The following DENND1B variants were observed in gnomAD, a reference collection of about 807,000 sequenced individuals.
DENND1B encodes DENN domain containing 1B, also known as DENN domain-containing protein 1B.
In DENND1B, 59 loss-of-function variants were observed where a neutral mutation model predicts 90.1. That is an observed-to-expected ratio of 0.65 (90% confidence interval 0.53 to 0.81). DENND1B has a LOEUF of 0.81. DENND1B is among the 40% of genes least tolerant of loss of function. The probability of loss-of-function intolerance (pLI) is 0.00; values close to 1 mark genes in which losing one functional copy is unlikely to be tolerated. For missense variants in DENND1B, 862 were observed against 912.6 expected (o/e 0.94, Z 0.71); for synonymous variants, 337 against 324.6 (o/e 1.04, Z -0.41).
intron 15 of DENND1B, among the ~76,000 whole-genome samples, chr1:197,556,971 G>A (rs553417343): frequency 4.0e-5 from 6 of 151,850 alleles, no homozygotes; most frequent in South Asian, 4.1e-4. Context: ...GTGGAAAGAC[G>A]GAAGTACACT....
At chr1:197,669,270 T>C (rs560036117) in intron 5 of DENND1B, among the ~76,000 whole-genome samples, 1 of 152,222 alleles carries the variant, frequency 6.6e-6, no homozygotes, top group African/African-American at 2.4e-5. Flanking sequence ...TTTTTTCTTC[T>C]AGTTGACATT....
chr1:197,526,066 T>C (rs1669113798), intron 20 of DENND1B, among the ~76,000 whole-genome samples: 1 of 152,100 alleles, frequency 6.6e-6, no homozygotes, highest in Non-Finnish European at 1.5e-5. Flanking sequence ...TGTTTTATGT[T>C]AGGAAAACAT....
intron 15 of DENND1B, among the ~76,000 whole-genome samples, chr1:197,582,397 A>G (rs1169273702): frequency 6.6e-6 from 1 of 152,168 alleles, no homozygotes; most frequent in African/African-American, 2.4e-5. Context: ...GGCCCTGAGC[A>G]CAGTTTATGA....
intron 10 of DENND1B, among the ~76,000 whole-genome samples, chr1:197,623,438 C>T (rs12133885): frequency 0.19 from 29,425 of 151,264 alleles, 2,952 homozygotes; most frequent in Non-Finnish European, 0.2. Context: ...AGCAGGGTAT[C>T]TGAAAACCAC....
chr1:197,526,369 T>C (rs2125624052), intron 20 of DENND1B, among the ~76,000 whole-genome samples: 1 of 152,166 alleles, frequency 6.6e-6, no homozygotes, highest in Non-Finnish European at 1.5e-5. Context: ...TTACAAAAGG[T>C]AGGCACTTTT....
intron 15 of DENND1B, among the ~76,000 whole-genome samples, chr1:197,581,468 A>T (rs1318602524): frequency 1.3e-5 from 2 of 152,226 alleles, no homozygotes; most frequent in East Asian, 3.8e-4. Flanking sequence ...TGAGGCAGAC[A>T]TTAAGATTTG....
At chr1:197,526,222 A>C (rs1169754833) in intron 20 of DENND1B, among the ~76,000 whole-genome samples, 1 of 152,114 alleles carries the variant, frequency 6.6e-6, no homozygotes, top group Non-Finnish European at 1.5e-5. Flanking sequence ...GTAGCCCTAC[A>C]AAGAAAAGAC....
intron 20 of DENND1B, among the ~76,000 whole-genome samples, chr1:197,523,990 T>C (rs563496753): frequency 1.1e-3 from 169 of 152,094 alleles, no homozygotes; most frequent in African/African-American, 3.7e-3. Flanking sequence ...ACTCAAATGA[T>C]GTAAGACATG....
chr1:197,592,983 C>G (rs1675368753), intron 14 of DENND1B, among the ~76,000 whole-genome samples: 1 of 151,952 alleles, frequency 6.6e-6, no homozygotes, highest in Non-Finnish European at 1.5e-5. Context: ...CTTCTCTCTG[C>G]ACTTAGCCCT....
intron 2 of DENND1B, among the ~76,000 whole-genome samples, chr1:197,756,208 C>A (rs1381562632): frequency 6.6e-6 from 1 of 152,144 alleles, no homozygotes; most frequent in Non-Finnish European, 1.5e-5. Context: ...ATACATTCAC[C>A]TGTTCCTCTG....
At chr1:197,775,682 A>G (rs973024351), upstream of DENND1B, 1 of 152,378 alleles carries the variant, frequency 6.6e-6, no homozygotes, top group Non-Finnish European at 1.5e-5. Context: ...CCAGAAAGGC[A>G]AGGTGCCCCC....
intron 5 of DENND1B, among the ~76,000 whole-genome samples, chr1:197,661,341 C>A (rs1398731196): frequency 2.0e-5 from 3 of 151,926 alleles, no homozygotes; most frequent in African/African-American, 7.3e-5. Flanking sequence ...AATTTCCTTC[C>A]ACCAAGACAC....
At chr1:197,649,628 CTT>C (rs1652892442) in intron 7 of DENND1B, among the ~76,000 whole-genome samples, 1 of 152,146 alleles carries the variant, frequency 6.6e-6, no homozygotes, top group Non-Finnish European at 1.5e-5. Flanking sequence ...AAATGACACT[CTT>C]TTCAACAAAT....
intron 7 of DENND1B, among the ~76,000 whole-genome samples, chr1:197,651,435 C>T (rs1454004609): frequency 6.6e-6 from 1 of 151,942 alleles, no homozygotes. Flanking sequence ...AAAATTCAAT[C>T]ATATTTCCAG....
chr1:197,735,910 C>G (rs547146166), intron 2 of DENND1B: 11 of 1,523,112 alleles, frequency 7.2e-6, no homozygotes, highest in Non-Finnish European at 9.1e-6. Flanking sequence ...GATATAATGG[C>G]CAAGAGGAAT....
chr1:197,593,127 T>C (rs1483407922), intron 14 of DENND1B, among the ~76,000 whole-genome samples: 1 of 151,900 alleles, frequency 6.6e-6, no homozygotes, highest in East Asian at 1.9e-4. Context: ...AAACAAAACA[T>C]TAATATACTT....
At chr1:197,632,540 C>G (rs1207159852) in intron 10 of DENND1B, among the ~76,000 whole-genome samples, 2 of 152,170 alleles carry the variant, frequency 1.3e-5, no homozygotes, top group Non-Finnish European at 2.9e-5. Context: ...CTCACTGACA[C>G]TGTTATAGAA....
chr1:197,520,010 G>A (rs1284313780), intron 20 of DENND1B, among the ~76,000 whole-genome samples: 1 of 151,834 alleles, frequency 6.6e-6, no homozygotes, highest in African/African-American at 2.4e-5. Context: ...TATGGGAGAT[G>A]AGAATTTAGT....
intron 2 of DENND1B, chr1:197,747,298 T>C (rs1571598394): frequency 1.7e-6 from 1 of 603,232 alleles, no homozygotes; most frequent in Non-Finnish European, 3.1e-6. Flanking sequence ...TTTGGGTTCA[T>C]CTATCGAGAA....
Sources: gnomAD v4.1 joint callset for allele counts (sites outside exome capture counted in the v4.1 genomes callset) on GRCh38, gnomAD v4.1.1 for gene constraint, MANE v1.5 for transcripts, NCBI Gene and HGNC (gene_info 2026-07-23, HGNC 2026-07-21) for gene names.